Variants in PRIMPOL observed in about 807,000 individuals in gnomAD.
The protein encoded by PRIMPOL is primase and DNA directed polymerase.
PRIMPOL carries 54 observed loss-of-function variants against 63.6 expected under a neutral mutation model. The observed-to-expected ratio is 0.85, with a 90% CI of 0.68 to 1.07. The LOEUF (loss-of-function observed/expected upper bound fraction) is 1.07. PRIMPOL is among the 50% of genes least tolerant of loss of function. The pLI, the probability that PRIMPOL is intolerant of heterozygous loss-of-function variation, is 0.00. For synonymous variants in PRIMPOL, 197 were observed against 220.2 expected, an observed-to-expected ratio of 0.89 and a Z score of 0.93; for missense variants, 610 against 648.3, an observed-to-expected ratio of 0.94 and a Z score of 0.64.
In PRIMPOL at chr4:184,661,857, C is replaced by A. The variant is rs113843152; in HGVS notation, c.362C>A (p.Ala121Asp). 1.2e-6 allele frequency: 2 copies of A among 1,613,526 alleles called. No homozygotes were observed. The highest frequency in any genetic ancestry group is 1.7e-6 in the Non-Finnish European group (2 of 1,179,536). ...LYFDLEFNKP[A>D]NPGADGKKMV... ...TTTGATTTGGAATTTAACAAACCTG[C>A]CAACCCAGGAGCTGATGGGAAAAAG... Residue 121 changes from alanine (A) to aspartate (D), a missense_variant, in exon 5 of 14, where the codon GCC (alanine) becomes GAC (aspartate). Physicochemically the swap from Ala to Asp is moderately radical, Grantham distance 126. This residue lies in a region of PRIMPOL where 159 missense variants were observed against 168.9 expected (regional missense o/e 0.94). Transcript: ENST00000314970.
At chr4:184,683,713 CAT>C (rs1263812751) in intron 9 of PRIMPOL, among the ~76,000 whole-genome samples, 2 of 151,680 alleles carry the variant, frequency 1.3e-5, no homozygotes, top group Non-Finnish European at 2.9e-5. Context: ...TACTGAAGAA[CAT>C]AGAGTGTTTT....
chr4:184,669,620 T>C (rs986237547), intron 6 of PRIMPOL, among the ~76,000 whole-genome samples: 11 of 152,244 alleles, frequency 7.2e-5, no homozygotes, highest in African/African-American at 2.7e-4. Flanking sequence ...GCTACAGGTA[T>C]CTTCTGAAAG....
intron 1 of PRIMPOL, among the ~76,000 whole-genome samples, chr4:184,651,719 G>T (rs1286097105): frequency 6.6e-6 from 1 of 152,134 alleles, no homozygotes; most frequent in Non-Finnish European, 1.5e-5. Flanking sequence ...TGCAATCTCG[G>T]CTCACTGCAA....
rs150123773 is a variant in PRIMPOL, at chr4:184,661,787, C to G, written c.292C>G (p.His98Asp). ...TATTCAATTTAGAAAAAATCTCTTACACTGCTATGAAGTTATTCCTGAAAA... is the reference window on the plus strand; with the variant it reads ...TATTCAATTTAGAAAAAATCTCTTAGACTGCTATGAAGTTATTCCTGAAAA... ...FYYKSRKNLL[H>D]CYEVIPENAV... is the part of the protein sequence containing the mutation. The change falls in exon 5 of 14, where the codon CAC becomes GAC. Residue 98 changes from histidine (H) to aspartate (D), a missense_variant. Physicochemically the swap from His to Asp is moderately conservative, Grantham distance 81. This residue lies in a region of PRIMPOL where 159 missense variants were observed against 168.9 expected (regional missense o/e 0.94). Coordinates refer to ENST00000314970, the MANE Select transcript of PRIMPOL (RefSeq NM_152683.4). 2 of 1,603,110 alleles carry G rather than the reference C, an allele frequency of 1.2e-6. No homozygotes were observed. Among genetic ancestry groups the G allele is most frequent in the Admixed American group, 1.7e-5 (1 of 58,748 alleles).
chr4:184,675,318 A>AT (rs1178072048), intron 7 of PRIMPOL, among the ~76,000 whole-genome samples: 3 of 152,208 alleles, frequency 2.0e-5, no homozygotes, highest in African/African-American at 7.2e-5. Context: ...GTTTGGATAA[A>AT]TTTTAACTTT....
chr4:184,682,060 A>G (rs550827620), intron 8 of PRIMPOL, among the ~76,000 whole-genome samples, 188 bp from the exon 9 acceptor site: 1 of 152,312 alleles, frequency 6.6e-6, no homozygotes, highest in East Asian at 1.9e-4. Context: ...TTGACAAATC[A>G]TATTTTTTTT....
At position 184,655,284 on chromosome 4, in the gene PRIMPOL, A is replaced by G. The variant is rs533471449; in HGVS notation, c.-59-1798A>G. ...CTCTGCCTCCCAAAGTGCTGGGATTACAGGCATGAACCACGGCGCCTGGTC... is the reference window on the plus strand; with the variant it reads ...CTCTGCCTCCCAAAGTGCTGGGATTGCAGGCATGAACCACGGCGCCTGGTC... On this transcript the variant is annotated intron_variant, in intron 2 of 13. Coordinates refer to ENST00000314970, the MANE Select transcript of PRIMPOL (RefSeq NM_152683.4). 1.1e-4 allele frequency among the ~76,000 whole-genome samples: 17 copies of G among 149,638 alleles called. No individual in the cohort carries two copies. In the South Asian group the frequency reaches 3.4e-3, roughly 30 times the overall value.
chr4:184,658,218 C>G, intron 3 of PRIMPOL, among the ~76,000 whole-genome samples: 1 of 151,996 alleles, frequency 6.6e-6, no homozygotes, highest in Non-Finnish European at 1.5e-5. Context: ...AAGGACCTCT[C>G]TTTCTCTAGT....
At chr4:184,665,258 A>G (rs1010737884) in intron 5 of PRIMPOL, among the ~76,000 whole-genome samples, 2 of 152,088 alleles carry the variant, frequency 1.3e-5, no homozygotes, top group African/African-American at 4.8e-5. Flanking sequence ...ATTCCTGTTT[A>G]GCAGCTGGGA....
At chr4:184,660,978 G>T (rs571835758) in intron 4 of PRIMPOL, among the ~76,000 whole-genome samples, 23 of 152,280 alleles carry the variant, frequency 1.5e-4, no homozygotes, top group African/African-American at 5.3e-4. Flanking sequence ...AAACATGAGC[G>T]TTGGGAGCTT....
chr4:184,651,290 C>CAA lies in PRIMPOL; in HGVS notation c.-137-726_-137-725dup, dbSNP rs1203681677. 4.0e-4 allele frequency among the ~76,000 whole-genome samples: 58 copies of CAA among 144,010 alleles called. 2 individuals carry two copies. The highest frequency in any genetic ancestry group is 1.6e-3 in the African/African-American group (58 of 35,192). The allele number at this position is 144,010 out of a possible 152,430, so 94.5% of individuals were successfully genotyped here. On this transcript the variant is annotated intron_variant, in intron 1 of 13. Coordinates refer to ENST00000314970, the MANE Select transcript of PRIMPOL (RefSeq NM_152683.4). Reference sequence around the variant, plus strand: ...TGGGCAACAGAGCAAGACTCTGTCTCAAAAAAAAGAAAAAAAAGGGGTTAA... The same window carrying CAA: ...TGGGCAACAGAGCAAGACTCTGTCTCAAAAAAAAAAGAAAAAAAAGGGGTTAA...
chr4:184,658,627 TG>T (rs577998394), intron 3 of PRIMPOL, among the ~76,000 whole-genome samples: 162 of 152,132 alleles, frequency 1.1e-3, no homozygotes, highest in African/African-American at 3.6e-3. Context: ...TGGTTCCGGC[TG>T]GGTGCGGTGG....
chr4:184,675,210 T>C (rs1461166382), intron 7 of PRIMPOL, among the ~76,000 whole-genome samples: 3 of 152,222 alleles, frequency 2.0e-5, no homozygotes, highest in Non-Finnish European at 4.4e-5. Context: ...ATGGTTAATC[T>C]TATGCAGTTA....
intron 3 of PRIMPOL, among the ~76,000 whole-genome samples, chr4:184,658,145 A>T (rs1040570304): frequency 6.6e-6 from 1 of 151,948 alleles, no homozygotes; most frequent in Non-Finnish European, 1.5e-5. Context: ...ATATGATAGC[A>T]TAAGTGTGCT....
intron 11 of PRIMPOL, chr4:184,691,286 T>TG: frequency 4.2e-6 from 2 of 475,718 alleles, no homozygotes; most frequent in South Asian, 7.5e-5. Flanking sequence ...CTGGGGGAAC[T>TG]TTCATCAGTA....
Position 184,682,355 on chromosome 4 carries a change from G to T in PRIMPOL, c.1096+19G>T. 7.1e-7 allele frequency: 1 copy of T among 1,408,650 alleles called. No homozygotes were observed. The highest frequency in any genetic ancestry group is 1.0e-6 in the Non-Finnish European group (1 of 995,030). The allele number at this position is 1,408,650 out of a possible 1,614,324, so 87.3% of individuals were successfully genotyped here. ...ACTTCAGGTAAATTTTTTGATGTTT[G>T]TTTTTCTTTTTGAGACAGCATCTCT... On this transcript the variant is annotated intron_variant, in intron 9 of 13. Coordinates refer to ENST00000314970, the MANE Select transcript of PRIMPOL (RefSeq NM_152683.4).
chr4:184,662,508 A>G (rs534771261), intron 5 of PRIMPOL, among the ~76,000 whole-genome samples: 1 of 152,300 alleles, frequency 6.6e-6, no homozygotes, highest in Non-Finnish European at 1.5e-5. Context: ...GTCAACCAGG[A>G]AGTTACTAAT....
At chr4:184,662,028 G>A in intron 5 of PRIMPOL, 125 bp downstream of exon 5, 1 of 791,926 alleles carries the variant, frequency 1.3e-6, no homozygotes, top group South Asian at 3.2e-5. Context: ...TCTTCCTTTT[G>A]ACTTTAGGAT....
At position 184,666,719 on chromosome 4, in the gene PRIMPOL, C is replaced by T. The variant is rs73873024; in HGVS notation, c.556+655C>T. 4.5e-3 allele frequency among the ~76,000 whole-genome samples: 693 copies of T among 152,314 alleles called. 3 individuals are homozygous for T. The highest frequency in any genetic ancestry group is 0.016 in the African/African-American group (670 of 41,568). ...TGCAATCTCATTTCTGGATTTCTGA[C>T]CTTTGCTTCGGCCTTGCTTTGGGGC... On this transcript the variant is annotated intron_variant, in intron 6 of 13. Transcript: ENST00000314970.
Sources: gnomAD v4.1 joint callset for allele counts (sites outside exome capture counted in the v4.1 genomes callset) on GRCh38, gnomAD v4.1.1 for gene constraint, gnomAD v4.1.1 regional missense constraint, MANE v1.5 for transcripts, NCBI Gene and HGNC (gene_info 2026-07-23, HGNC 2026-07-21) for gene names.